TRHDE: variants seen among roughly 807,000 people sequenced by gnomAD.
TRHDE encodes thyrotropin releasing hormone degrading enzyme.
A neutral mutation model predicts 125.7 loss-of-function variants in TRHDE; 72 were observed. That is an observed-to-expected ratio of 0.57 (90% CI 0.47 to 0.70). The LOEUF (loss-of-function observed/expected upper bound fraction) is 0.70. Ranked by LOEUF, TRHDE falls within the 30% of genes least tolerant of loss-of-function variation. The pLI is 0.00. For missense variants in TRHDE, 1,110 were observed against 1,327.1 expected (o/e 0.84, Z 2.54); for synonymous variants, 509 against 509.1 (o/e 1.00, Z 0.00).
rs1875204337 is a variant in TRHDE at position 72,669,760 on chromosome 12, G to A, written c.*6565G>A. On this transcript the variant is annotated 3_prime_UTR_variant, in exon 19 of 19. Transcript: ENST00000261180. ...TTGAGTGAATTTTTCCTCAAATGTTGTATTCTACCTTTCAAAATATTGTGT... is the reference window on the plus strand; with the variant it reads ...TTGAGTGAATTTTTCCTCAAATGTTATATTCTACCTTTCAAAATATTGTGT... The A allele has an allele frequency of 1.3e-5, 2 of 151,686 alleles. No homozygotes were observed. Among genetic ancestry groups the A allele is most frequent in the South Asian group, 4.1e-4 (2 of 4,826 alleles). 9.4% of individuals were successfully genotyped at this position (151,686 alleles called of 1,614,324 possible). A position where few individuals can be genotyped will look rare whatever the true frequency, so the allele number is the denominator to read the frequency against.
chr12:72,429,928 G>T (rs1412824742), intron 3 of TRHDE, among the ~76,000 whole-genome samples: 2 of 151,738 alleles, frequency 1.3e-5, no homozygotes, highest in Admixed American at 6.6e-5. Context: ...AGATATAAAA[G>T]ATTTTCTAAT....
chr12:72,272,711 A>AGAC lies in TRHDE; in HGVS notation c.70_71insCGA (p.Lys23_Lys24insThr), dbSNP rs1416222792. The AGAC allele has an allele frequency of 2.5e-5, 35 of 1,400,450 alleles. No individual in the cohort carries two copies. The East Asian group carries it at 8.5e-4, about 34-fold the overall frequency. The allele number at this position is 1,400,450 out of a possible 1,614,324, so 86.8% of individuals were successfully genotyped here. On this transcript the variant is annotated inframe_insertion, in exon 1 of 19. Transcript: ENST00000261180. The surrounding 1 kb of genome is among the most constrained non-coding windows in gnomAD (Gnocchi z 6.7). ...AAAAAGAAGAAGAAAAAGAAGAGGA[A>AGAC]GAAGAAGAAGGAGGAGGAGGAGGAG...
intron 18 of TRHDE, among the ~76,000 whole-genome samples, chr12:72,661,769 T>G (rs1350939402): frequency 1.3e-5 from 2 of 152,118 alleles, no homozygotes; most frequent in Non-Finnish European, 2.9e-5. Context: ...TATATGTAAT[T>G]TGGTCAAATG....
chr12:72,316,866 T>C (rs1868827971), intron 2 of TRHDE, among the ~76,000 whole-genome samples: 1 of 152,190 alleles, frequency 6.6e-6, no homozygotes, highest in African/African-American at 2.4e-5. Flanking sequence ...AGTTACATGA[T>C]TATCTTGTGG....
chr12:72,292,918 T>C (rs1880142539), intron 2 of TRHDE, among the ~76,000 whole-genome samples: 1 of 152,072 alleles, frequency 6.6e-6, no homozygotes, highest in Non-Finnish European at 1.5e-5. Flanking sequence ...AGCATGAAAA[T>C]GCCACGAAGG....
chr12:72,598,124 G>C (rs1872056366), intron 12 of TRHDE, among the ~76,000 whole-genome samples: 1 of 151,828 alleles, frequency 6.6e-6, no homozygotes, highest in Non-Finnish European at 1.5e-5. Context: ...AACTCAAATG[G>C]TTTATAGTTA....
chr12:72,416,871 T>C (rs1221860725), intron 3 of TRHDE, among the ~76,000 whole-genome samples: 1 of 152,098 alleles, frequency 6.6e-6, no homozygotes, highest in African/African-American at 2.4e-5. Flanking sequence ...CCTTTTGTGG[T>C]TCCATATAAA....
chr12:72,185,146 G>C (rs1185198839), intron 2 of TRHDE, among the ~76,000 whole-genome samples: 1 of 152,350 alleles, frequency 6.6e-6, no homozygotes, highest in Non-Finnish European at 1.5e-5. Context: ...GGAGCAGCCG[G>C]CCAGCCCTGC....
At chr12:72,475,630 G>A (rs754533027) in intron 5 of TRHDE, among the ~76,000 whole-genome samples, 7 of 152,060 alleles carry the variant, frequency 4.6e-5, no homozygotes, top group Non-Finnish European at 1.0e-4. Flanking sequence ...TAGAGGTATT[G>A]AAAATGAACA....
At chr12:72,463,322 G>T (rs1295046746) in intron 3 of TRHDE, among the ~76,000 whole-genome samples, 1 of 152,160 alleles carries the variant, frequency 6.6e-6, no homozygotes, top group East Asian at 1.9e-4. Context: ...GGGCATTCAG[G>T]TTCTGATCTT....
chr12:72,441,829 C>G (rs1319146347), intron 3 of TRHDE, among the ~76,000 whole-genome samples: 1 of 151,830 alleles, frequency 6.6e-6, no homozygotes, highest in African/African-American at 2.4e-5. Context: ...AATAATATTT[C>G]AGCGATAGTG....
At chr12:72,151,294 A>G (rs1876358230) in intron 2 of TRHDE, among the ~76,000 whole-genome samples, 1 of 152,136 alleles carries the variant, frequency 6.6e-6, no homozygotes, top group Non-Finnish European at 1.5e-5. Context: ...TCTGGATATT[A>G]GCCCTTTGTC....
intron 2 of TRHDE, among the ~76,000 whole-genome samples, chr12:72,320,691 TA>T (rs1869048345): frequency 6.6e-6 from 1 of 152,118 alleles, no homozygotes; most frequent in Admixed American, 6.6e-5. Flanking sequence ...GATATATTTT[TA>T]AAAAATGCAA....
At chr12:72,422,951 C>T (rs993594554) in intron 3 of TRHDE, among the ~76,000 whole-genome samples, 3 of 152,008 alleles carry the variant, frequency 2.0e-5, no homozygotes, top group African/African-American at 7.2e-5. Flanking sequence ...GAACTGTCAA[C>T]CAATAAATTT....
At chr12:72,254,420 T>C (rs1878759811) in intron 2 of TRHDE, 1 of 152,122 alleles carries the variant, frequency 6.6e-6, no homozygotes, top group Non-Finnish European at 1.5e-5. Flanking sequence ...CATGCAAAAA[T>C]TGGCTCTAGA....
intron 2 of TRHDE, among the ~76,000 whole-genome samples, chr12:72,358,269 C>A (rs1870911734): frequency 6.6e-6 from 1 of 151,496 alleles, no homozygotes; most frequent in Non-Finnish European, 1.5e-5. Context: ...TCTCCCAACC[C>A]TGGGACAGCA....
intron 2 of TRHDE, among the ~76,000 whole-genome samples, chr12:72,353,548 A>G (rs1255367735): frequency 1.3e-5 from 2 of 151,608 alleles, no homozygotes; most frequent in Non-Finnish European, 3.0e-5. Context: ...AGTCATTCCT[A>G]CTTTACAAAG....
chr12:72,452,573 GT>G, intron 3 of TRHDE, among the ~76,000 whole-genome samples: 1 of 152,042 alleles, frequency 6.6e-6, no homozygotes, highest in Non-Finnish European at 1.5e-5. Flanking sequence ...TTAGCTATGG[GT>G]TTTTCATATA....
chr12:72,166,471 C>G (rs907378525), intron 2 of TRHDE, among the ~76,000 whole-genome samples: 2 of 152,142 alleles, frequency 1.3e-5, no homozygotes, highest in African/African-American at 4.8e-5. Context: ...AAGAACAGCT[C>G]TTGGTGTGCT....
Sources: gnomAD v4.1 joint callset for allele counts (sites outside exome capture counted in the v4.1 genomes callset) on GRCh38, gnomAD v4.1.1 for gene constraint, Gnocchi (gnomAD v3.1) non-coding constraint, MANE v1.5 for transcripts, NCBI Gene and HGNC (gene_info 2026-07-23, HGNC 2026-07-21) for gene names.